MIPOL1: variants seen among roughly 807,000 people sequenced by gnomAD.
The protein encoded by MIPOL1 is mirror-image polydactyly gene 1 protein.
In MIPOL1, 57 loss-of-function variants were observed where a neutral mutation model predicts 60.9. The ratio of observed to expected loss-of-function variants is 0.94; its 90% CI spans 0.76 to 1.17. The LOEUF (loss-of-function observed/expected upper bound fraction) is 1.17, where lower values mean the gene tolerates loss of function less well. Among genes scored for constraint, MIPOL1 ranks in the 50% most tolerant of loss-of-function variants. The pLI, the probability that MIPOL1 is intolerant of heterozygous loss-of-function variation, is 0.00. For synonymous variants in MIPOL1, 179 were observed against 168.8 expected (o/e 1.06, Z -0.47); for missense variants, 551 against 511.6 (o/e 1.08, Z -0.74).
chr14:37,228,212 A>C (rs1426629462), intron 1 of MIPOL1, among the ~76,000 whole-genome samples: 1 of 152,010 alleles, frequency 6.6e-6, no homozygotes, highest in African/African-American at 2.4e-5. Context: ...TTCTTTCAGC[A>C]TCACCAGTGT....
intron 10 of MIPOL1, among the ~76,000 whole-genome samples, chr14:37,373,723 T>G (rs1595466481): frequency 6.6e-6 from 1 of 152,328 alleles, no homozygotes; most frequent in East Asian, 1.9e-4. Context: ...ACTCATCCTT[T>G]TTGATGGCTG....
intron 10 of MIPOL1, among the ~76,000 whole-genome samples, chr14:37,391,684 G>A (rs1031458347): frequency 3.3e-5 from 5 of 152,112 alleles, no homozygotes; most frequent in South Asian, 2.1e-4. Context: ...ATGAGCCACC[G>A]TGCCCAGCCA....
intron 9 of MIPOL1, among the ~76,000 whole-genome samples, chr14:37,340,685 C>A (rs1348728875): frequency 2.7e-5 from 4 of 150,190 alleles, no homozygotes; most frequent in Admixed American, 6.6e-5. Flanking sequence ...GTGACAGAGA[C>A]CCTGTCTCAA....
At chr14:37,409,121 C>CT (rs2093639926) in intron 10 of MIPOL1, among the ~76,000 whole-genome samples, 2 of 152,108 alleles carry the variant, frequency 1.3e-5, no homozygotes, top group Non-Finnish European at 2.9e-5. Context: ...ACAAGTACTC[C>CT]TTGGAGGAAG....
Position 37,200,178 on chromosome 14 carries a change from C to T in MIPOL1, c.-199+2074C>T, listed in dbSNP as rs76917949. On this transcript the variant is annotated intron_variant, in intron 1 of 12. Transcript: ENST00000684589. ...AGGCAGCCCTCGCTTTGTAGAGTTT[C>T]AGCTAACCAAGTAATGTGTGAAGCT... is the stretch of plus-strand genomic sequence containing the variant. Among the ~76,000 whole-genome samples the T allele has an allele frequency of 5.2e-3, 788 of 152,288 alleles. 16 individuals are homozygous for T. In the East Asian group the frequency reaches 0.059, roughly 11 times the overall value.
At chr14:37,528,609 T>G (rs988235611) in intron 12 of MIPOL1, among the ~76,000 whole-genome samples, 8 of 152,170 alleles carry the variant, frequency 5.3e-5, no homozygotes, top group Admixed American at 1.3e-4. Context: ...CGTCTAATTA[T>G]AAAGTGTATT....
At chr14:37,377,177 A>C (rs1016933424) in intron 10 of MIPOL1, among the ~76,000 whole-genome samples, 20 of 152,126 alleles carry the variant, frequency 1.3e-4, no homozygotes, top group African/African-American at 4.3e-4. Flanking sequence ...ATTTCCAGTC[A>C]TACTCTCCTT....
chr14:37,296,563 C>A (rs1164353582), intron 7 of MIPOL1, among the ~76,000 whole-genome samples: 1 of 151,978 alleles, frequency 6.6e-6, no homozygotes, highest in South Asian at 2.1e-4. Flanking sequence ...ATTAGCAAGA[C>A]TAATAAAGAA....
At chr14:37,218,664 G>C (rs994245492) in intron 1 of MIPOL1, among the ~76,000 whole-genome samples, 13 of 152,076 alleles carry the variant, frequency 8.5e-5, no homozygotes, top group African/African-American at 2.9e-4. Context: ...GGCTGTGTGT[G>C]ATGGCTCACA....
intron 11 of MIPOL1, among the ~76,000 whole-genome samples, chr14:37,461,434 TC>T (rs761829521): frequency 7.2e-5 from 11 of 151,990 alleles, no homozygotes; most frequent in African/African-American, 1.2e-4. Flanking sequence ...TCCCACCAGG[TC>T]CCTCCTACAA....
rs140539123 is a variant in MIPOL1 at position 37,239,111 on chromosome 14, G to A, written c.-198-7992G>A. ...GTTGCCCAGGCTGGAGTGCAGTGGC[G>A]CTCGGCTCACTGCAAACTCTGCCTC... On this transcript the variant is annotated intron_variant, in intron 1 of 12. Transcript: ENST00000684589. Among the ~76,000 whole-genome samples, 927 of 147,182 alleles carry A rather than the reference G, an allele frequency of 6.3e-3. 12 individuals carry two copies. Among genetic ancestry groups the A allele is most frequent in the African/African-American group, 0.022 (877 of 39,496 alleles).
chr14:37,388,441 A>C (rs1236963011), intron 10 of MIPOL1, among the ~76,000 whole-genome samples: 1 of 151,566 alleles, frequency 6.6e-6, no homozygotes, highest in Non-Finnish European at 1.5e-5. Context: ...TGAAAAGACC[A>C]AGGACAGGGC....
intron 11 of MIPOL1, among the ~76,000 whole-genome samples, chr14:37,495,487 C>A (rs375860993): frequency 1.3e-5 from 2 of 150,376 alleles, no homozygotes; most frequent in East Asian, 3.9e-4. Context: ...TGCATAGTAT[C>A]CCATGGTGTA....
intron 7 of MIPOL1, among the ~76,000 whole-genome samples, chr14:37,289,154 T>A (rs2153414705): frequency 6.6e-6 from 1 of 152,308 alleles, no homozygotes; most frequent in South Asian, 2.1e-4. Flanking sequence ...GAGGAATCCC[T>A]GGGTGTGTCA....
chr14:37,512,653 T>C (rs1333685491), intron 12 of MIPOL1, among the ~76,000 whole-genome samples: 1 of 152,128 alleles, frequency 6.6e-6, no homozygotes, highest in African/African-American at 2.4e-5. Flanking sequence ...ATTATTCTAG[T>C]TCTTGTCAAC....
chr14:37,482,974 T>C (rs1353515831), intron 11 of MIPOL1, among the ~76,000 whole-genome samples: 1 of 152,160 alleles, frequency 6.6e-6, no homozygotes, highest in Non-Finnish European at 1.5e-5. Flanking sequence ...ACATAACCTA[T>C]GCACATCCTC....
intron 7 of MIPOL1, among the ~76,000 whole-genome samples, chr14:37,289,861 C>G (rs1487225262): frequency 2.0e-5 from 3 of 152,120 alleles, no homozygotes; most frequent in African/African-American, 7.2e-5. Context: ...CAGAAGGTAT[C>G]TAAGGGCTGC....
At chr14:37,223,734 C>T (rs1177953346) in intron 1 of MIPOL1, among the ~76,000 whole-genome samples, 1 of 151,938 alleles carries the variant, frequency 6.6e-6, no homozygotes, top group Admixed American at 6.5e-5. Context: ...CTCCTGACCT[C>T]AGGAGATCTG....
intron 1 of MIPOL1, among the ~76,000 whole-genome samples, chr14:37,230,361 C>T (rs1970434036): frequency 6.6e-6 from 1 of 152,176 alleles, no homozygotes; most frequent in South Asian, 2.1e-4. Context: ...AACGCTGCTT[C>T]TGCTTTTGTA....
Sources: gnomAD v4.1 joint callset for allele counts (sites outside exome capture counted in the v4.1 genomes callset) on GRCh38, gnomAD v4.1.1 for gene constraint, MANE v1.5 for transcripts, NCBI Gene and HGNC (gene_info 2026-07-23, HGNC 2026-07-21) for gene names.